The following ARHGAP15 variants were observed in gnomAD, a reference collection of about 807,000 sequenced individuals.
ARHGAP15 encodes Rho GTPase activating protein 15.
In ARHGAP15, 51 loss-of-function variants were observed where a neutral mutation model predicts 63.7. That is an observed-to-expected ratio of 0.80 (90% CI 0.64 to 1.01). ARHGAP15 has a LOEUF of 1.01. Ranked by LOEUF, ARHGAP15 falls within the 50% of genes least tolerant of loss-of-function variation. ARHGAP15 has a pLI of 0.00. For missense variants in ARHGAP15, 560 were observed against 564.6 expected (o/e 0.99, Z 0.08); for synonymous variants, 191 against 193.8 (o/e 0.99, Z 0.12).
chr2:143,143,628 C>T (rs899499152), intron 1 of ARHGAP15, among the ~76,000 whole-genome samples: 25 of 150,592 alleles, frequency 1.7e-4, no homozygotes, highest in Admixed American at 1.3e-4. Flanking sequence ...AATCATCCAC[C>T]GCTGGAACAA....
rs1022752903 is a variant in ARHGAP15, at chr2:143,481,093, C to T, written c.704-6280C>T. On this transcript the variant is annotated intron_variant, in intron 8 of 13. Transcript: ENST00000295095. ...TCTGGGGATTAAGAGCCTGACAAAACCTTATTTTGTCTTTTTTTTTTCTTT... is the reference window on the plus strand; with the variant it reads ...TCTGGGGATTAAGAGCCTGACAAAATCTTATTTTGTCTTTTTTTTTTCTTT... 2.0e-5 allele frequency among the ~76,000 whole-genome samples: 3 copies of T among 151,970 alleles called. No homozygotes were observed. In the South Asian group the frequency reaches 6.2e-4, roughly 32 times the overall value.
At chr2:143,470,487 T>C (rs1396552862) in intron 8 of ARHGAP15, among the ~76,000 whole-genome samples, 1 of 151,142 alleles carries the variant, frequency 6.6e-6, no homozygotes, top group Non-Finnish European at 1.5e-5. Flanking sequence ...TTAAGAGTTT[T>C]CATTTTTCTA....
In ARHGAP15 at chr2:143,382,782, G is replaced by A. The variant is rs561657429; in HGVS notation, c.475-52819G>A. On this transcript the variant is annotated intron_variant, in intron 6 of 13. Transcript: ENST00000295095. ...GCCATCGCCGGCTGCTGTCTTGTCT[G>A]CGACTTTTCTGTGCTGTTCACTTGC... Among the ~76,000 whole-genome samples the A allele has an allele frequency of 2.0e-5, 3 of 152,266 alleles. No individual in the cohort carries two copies. The East Asian group carries it at 5.8e-4, about 29-fold the overall frequency.
chr2:143,156,445 G>A (rs1156370175), intron 2 of ARHGAP15, among the ~76,000 whole-genome samples: 1 of 151,872 alleles, frequency 6.6e-6, no homozygotes, highest in Non-Finnish European at 1.5e-5. Flanking sequence ...CAAGAGGGAG[G>A]AGAAATAGGT....
chr2:143,504,829 T>C (rs1693232075), intron 9 of ARHGAP15, among the ~76,000 whole-genome samples: 1 of 152,182 alleles, frequency 6.6e-6, no homozygotes. Flanking sequence ...CCTGCCTAGG[T>C]ACTGGCCAGG....
intron 13 of ARHGAP15, among the ~76,000 whole-genome samples, chr2:143,762,766 G>C (rs774392208): frequency 1.3e-5 from 2 of 151,894 alleles, no homozygotes; most frequent in Non-Finnish European, 2.9e-5. Context: ...GAATATCCAA[G>C]AAGAAAAAGT....
intron 12 of ARHGAP15, among the ~76,000 whole-genome samples, chr2:143,652,753 A>ATTTTG (rs1167892464): frequency 6.6e-6 from 1 of 151,852 alleles, no homozygotes; most frequent in Non-Finnish European, 1.5e-5. Flanking sequence ...CTGGTTTTGT[A>ATTTTG]TTTTGTTTTG....
chr2:143,435,915 T>C (rs1689594210), intron 7 of ARHGAP15, among the ~76,000 whole-genome samples: 1 of 152,110 alleles, frequency 6.6e-6, no homozygotes, highest in Admixed American at 6.6e-5. Context: ...ATATAGTGCA[T>C]TCTTTCTTTT....
intron 8 of ARHGAP15, among the ~76,000 whole-genome samples, chr2:143,438,018 C>T (rs1689689011): frequency 6.6e-6 from 1 of 152,188 alleles, no homozygotes; most frequent in African/African-American, 2.4e-5. Context: ...CAAAGCAAGA[C>T]TCTGTCTCAG....
chr2:143,437,370 C>G (rs1469624134), intron 8 of ARHGAP15: 2 of 238,844 alleles, frequency 8.4e-6, no homozygotes, highest in African/African-American at 4.7e-5. Flanking sequence ...CCCTGGTATC[C>G]TGACTATTTT....
intron 2 of ARHGAP15, among the ~76,000 whole-genome samples, chr2:143,164,004 C>T (rs1043185853): frequency 3.9e-5 from 6 of 152,014 alleles, no homozygotes; most frequent in Admixed American, 1.3e-4. Context: ...GCCTCTGCTT[C>T]GGAGGTCAAG....
chr2:143,140,666 C>T (rs533644386), intron 1 of ARHGAP15, among the ~76,000 whole-genome samples: 1 of 152,150 alleles, frequency 6.6e-6, no homozygotes, highest in East Asian at 1.9e-4. Flanking sequence ...GTAAAGAAGT[C>T]TTTTGTCTTT....
At chr2:143,538,161 C>G (rs1268490400) in intron 10 of ARHGAP15, among the ~76,000 whole-genome samples, 3 of 152,076 alleles carry the variant, frequency 2.0e-5, no homozygotes, top group African/African-American at 7.2e-5. Flanking sequence ...GGAGTTCACT[C>G]ATGATTTGGC....
intron 1 of ARHGAP15, among the ~76,000 whole-genome samples, chr2:143,139,053 C>G (rs572612882): frequency 1.4e-4 from 21 of 152,134 alleles, no homozygotes; most frequent in Admixed American, 1.2e-3. Flanking sequence ...ATTTCAATTT[C>G]ATTCCTCAAA....
At chr2:143,326,841 G>A (rs1684274327) in intron 6 of ARHGAP15, among the ~76,000 whole-genome samples, 2 of 152,214 alleles carry the variant, frequency 1.3e-5, no homozygotes, top group Non-Finnish European at 2.9e-5. Context: ...CATTCCCTTT[G>A]AAAACTGGCA....
chr2:143,362,199 T>A (rs1686089428), intron 6 of ARHGAP15, among the ~76,000 whole-genome samples: 1 of 152,224 alleles, frequency 6.6e-6, no homozygotes, highest in South Asian at 2.1e-4. Context: ...CCCTGAATTA[T>A]CACAATTATA....
At chr2:143,744,789 C>G (rs1016314720) in intron 13 of ARHGAP15, among the ~76,000 whole-genome samples, 1 of 152,114 alleles carries the variant, frequency 6.6e-6, no homozygotes, top group African/African-American at 2.4e-5. Context: ...CACCTACAAC[C>G]ATGGAAAGGC....
intron 6 of ARHGAP15, among the ~76,000 whole-genome samples, chr2:143,329,783 C>A (rs11885027): frequency 6.6e-6 from 1 of 151,642 alleles, no homozygotes; most frequent in African/African-American, 2.4e-5. Flanking sequence ...CATACACACC[C>A]CCCTCCGTAG....
intron 2 of ARHGAP15, among the ~76,000 whole-genome samples, chr2:143,197,306 GT>G (rs1691917994): frequency 6.6e-6 from 1 of 151,954 alleles, no homozygotes. Flanking sequence ...GACATCTAAT[GT>G]TTTAAGCTGG....
Sources: allele counts gnomAD v4.1 joint callset (sites outside exome capture counted in the v4.1 genomes callset), GRCh38; gene constraint gnomAD v4.1.1; transcripts MANE v1.5; gene names NCBI Gene and HGNC (gene_info 2026-07-23, HGNC 2026-07-21).